Variants in GALNT16 observed in about 807,000 individuals in gnomAD.
GALNT16 encodes UDP-GalNAc:polypeptide N-acetylgalactosaminyltransferase-like protein 1.
In GALNT16, 40 loss-of-function variants were observed where a neutral mutation model predicts 76.1. That is an observed-to-expected ratio of 0.53 (90% CI 0.41 to 0.68). The LOEUF is 0.68. GALNT16 is among the 30% of genes least tolerant of loss of function. The pLI is 0.00. For synonymous variants in GALNT16, 276 were observed against 285.2 expected, an observed-to-expected ratio of 0.97 and a Z score of 0.32; for missense variants, 621 against 731.9, an observed-to-expected ratio of 0.85 and a Z score of 1.75.
intron 4 of GALNT16, 136 bp from the exon 5 acceptor site, chr14:69,325,826 G>A: frequency 1.4e-6 from 1 of 707,578 alleles, no homozygotes. Flanking sequence ...GGCCAGTAGT[G>A]ATGACCATAC....
downstream of GALNT16, chr14:69,355,735 A>T (rs1193068226): frequency 6.6e-6 from 1 of 152,274 alleles, no homozygotes; most frequent in African/African-American, 2.4e-5. Context: ...GGACTTCTGC[A>T]CCAGGGCCAG....
At chr14:69,325,621 T>G in intron 4 of GALNT16, among the ~76,000 whole-genome samples, 1 of 152,202 alleles carries the variant, frequency 6.6e-6, no homozygotes, top group East Asian at 1.9e-4. Context: ...GGGACTCTAG[T>G]GAGATGATAT....
At chr14:69,296,404 A>G (rs1217648605) in intron 1 of GALNT16, among the ~76,000 whole-genome samples, 2 of 152,176 alleles carry the variant, frequency 1.3e-5, no homozygotes, top group Non-Finnish European at 2.9e-5. Flanking sequence ...ATATAAATAT[A>G]TAGTCTTGCT....
intron 1 of GALNT16, among the ~76,000 whole-genome samples, chr14:69,283,118 A>T (rs777412895): frequency 2.6e-5 from 4 of 152,224 alleles, no homozygotes; most frequent in Admixed American, 2.6e-4. Flanking sequence ...TGCAGTTACC[A>T]TGGAGCAAGT....
At chr14:69,375,731 C>A in the GALNT16 span, among the ~76,000 whole-genome samples, 2 of 152,138 alleles carry the variant, frequency 1.3e-5, no homozygotes, top group South Asian at 4.1e-4. Flanking sequence ...ACTTCTGGGC[C>A]TGAGTGATCC....
chr14:69,264,836 C>G (rs1486265348), intron 1 of GALNT16, among the ~76,000 whole-genome samples: 1 of 16,088 alleles, frequency 6.2e-5, no homozygotes, highest in African/African-American at 2.0e-3. Flanking sequence ...TTTTTGGACA[C>G]AGGGTCTCAC....
At chr14:69,350,358 CA>C (rs1173424496) in intron 14 of GALNT16, 1 of 152,232 alleles carries the variant, frequency 6.6e-6, no homozygotes, top group Non-Finnish European at 1.5e-5. Flanking sequence ...CACTATATTA[CA>C]GAAGGCTAGA....
intron 1 of GALNT16, among the ~76,000 whole-genome samples, chr14:69,312,885 G>A (rs184898628): frequency 1.3e-5 from 2 of 152,172 alleles, no homozygotes; most frequent in African/African-American, 4.8e-5. Context: ...GGCAAGAGGG[G>A]ATGCCAAGGA....
rs2140089459 is a variant in GALNT16 at position 69,260,332 on chromosome 14, A to G, written c.42A>G (p.Val14=). The change falls in exon 1 of 15, where the codon GTA becomes GTG. Residue 14 remains valine (V), a synonymous_variant. Coordinates refer to ENST00000448469, the MANE Select transcript of GALNT16 (RefSeq NM_001168368.2). ...IRANAIAILT[V]AWILGTFYYL... is the part of the protein sequence containing the mutation. ...CCAATGCCATCGCCATCCTGACCGT[A>G]GCCTGGATCCTGGGCACTTTCTACT... The G allele has an allele frequency of 2.5e-6, 4 of 1,612,884 alleles. No homozygotes were observed. Among genetic ancestry groups the G allele is most frequent in the Non-Finnish European group, 3.4e-6 (4 of 1,179,468 alleles).
chr14:69,359,646 G>A (rs374605924), downstream of GALNT16, among the ~76,000 whole-genome samples: 1 of 152,182 alleles, frequency 6.6e-6, no homozygotes, highest in South Asian at 2.1e-4. Context: ...TTTGCCCAAG[G>A]ATAAACAGCT....
intron 12 of GALNT16, among the ~76,000 whole-genome samples, chr14:69,344,652 T>C (rs2045538145): frequency 6.6e-6 from 1 of 152,162 alleles, no homozygotes; most frequent in African/African-American, 2.4e-5. Flanking sequence ...CTCCCAAGCC[T>C]AGGGTTTCTT....
chr14:69,281,624 C>T (rs1442936158), intron 1 of GALNT16, among the ~76,000 whole-genome samples: 1 of 152,134 alleles, frequency 6.6e-6, no homozygotes, highest in Non-Finnish European at 1.5e-5. Flanking sequence ...AGGCTGCATC[C>T]CTGTGTAGTC....
rs528543197 is a variant in GALNT16, at chr14:69,337,860, GA to G, written c.968-790del. ...GCCCCCAGGCCTGGTTGGAGATCAT[GA>G]GTGTCCTTAGAGCCAGCTGAGGAGT... is the stretch of plus-strand genomic sequence containing the variant. On this transcript the variant is annotated intron_variant, in intron 9 of 14. Transcript: ENST00000448469. Among the ~76,000 whole-genome samples, 601 of 152,336 alleles carry G rather than the reference GA, an allele frequency of 3.9e-3. 2 individuals carry two copies. The highest frequency in any genetic ancestry group is 5.6e-3 in the Non-Finnish European group (382 of 68,026).
the GALNT16 span, among the ~76,000 whole-genome samples, chr14:69,362,604 C>T: frequency 6.6e-6 from 1 of 152,200 alleles, no homozygotes; most frequent in African/African-American, 2.4e-5. Context: ...GACTTTTAGC[C>T]AGCTGCTTAG....
Position 69,332,331 on chromosome 14 carries a change from C to A in GALNT16, c.779-754C>A, listed in dbSNP as rs8006553. 5.6e-3 allele frequency among the ~76,000 whole-genome samples: 851 copies of A among 152,124 alleles called. 9 individuals are homozygous for A. The highest frequency in any genetic ancestry group is 0.037 in the Middle Eastern group (11 of 294). ...GCTGTTCAGTACAGTAGATAATAGTCACCTTTGGTTACTTAAACTTGCATT... is the reference window on the plus strand; with the variant it reads ...GCTGTTCAGTACAGTAGATAATAGTAACCTTTGGTTACTTAAACTTGCATT... On this transcript the variant is annotated intron_variant, in intron 7 of 14. Coordinates refer to ENST00000448469, the MANE Select transcript of GALNT16 (RefSeq NM_001168368.2).
At chr14:69,323,015 G>T (rs1008582231) in intron 2 of GALNT16, among the ~76,000 whole-genome samples, 1 of 145,562 alleles carries the variant, frequency 6.9e-6, no homozygotes, top group Non-Finnish European at 1.5e-5. Flanking sequence ...CACACGTGTA[G>T]GGAAGCAAAG....
At chr14:69,284,859 A>G (rs2044589570) in intron 1 of GALNT16, among the ~76,000 whole-genome samples, 1 of 151,948 alleles carries the variant, frequency 6.6e-6, no homozygotes, top group African/African-American at 2.4e-5. Context: ...ATGAGATCCA[A>G]TGGTTTTATA....
the GALNT16 span, among the ~76,000 whole-genome samples, chr14:69,382,754 G>A: frequency 3.4e-5 from 5 of 148,306 alleles, no homozygotes; most frequent in African/African-American, 1.0e-4. Flanking sequence ...CAGGAGAATC[G>A]CTTGAACCCT....
intron 5 of GALNT16, among the ~76,000 whole-genome samples, chr14:69,326,582 G>C (rs775447555): frequency 6.6e-6 from 1 of 152,196 alleles, no homozygotes; most frequent in African/African-American, 2.4e-5. Context: ...GAGCAGGGAA[G>C]GCTTCCATGG....
Sources: allele counts gnomAD v4.1 joint callset (sites outside exome capture counted in the v4.1 genomes callset), GRCh38; gene constraint gnomAD v4.1.1; transcripts MANE v1.5; gene names NCBI Gene and HGNC (gene_info 2026-07-23, HGNC 2026-07-21).